The following PRTFDC1 variants were observed in gnomAD, a reference collection of about 807,000 sequenced individuals.
PRTFDC1 encodes the protein phosphoribosyl transferase domain containing 1.
In PRTFDC1, 38 loss-of-function variants were observed where a neutral mutation model predicts 34.6. That is an observed-to-expected ratio of 1.10 (90% CI 0.85 to 1.44). The LOEUF is 1.44. Ranked by LOEUF, PRTFDC1 falls within the 40% of genes most tolerant of loss-of-function variation. The pLI is 0.00. For missense variants in PRTFDC1, 270 were observed against 283.0 expected (o/e 0.95, Z 0.33); for synonymous variants, 93 against 98.1 (o/e 0.95, Z 0.31).
intron 3 of PRTFDC1, among the ~76,000 whole-genome samples, chr10:24,922,921 G>A (rs1848813872): frequency 6.6e-6 from 1 of 152,186 alleles, no homozygotes; most frequent in Non-Finnish European, 1.5e-5. Flanking sequence ...TGTACCTGGA[G>A]GAACCGTACA....
intron 3 of PRTFDC1, among the ~76,000 whole-genome samples, chr10:24,931,668 G>C (rs1039859108): frequency 7.2e-5 from 11 of 151,742 alleles, no homozygotes; most frequent in Non-Finnish European, 1.5e-4. Context: ...TAAAGAGTGA[G>C]AAAACTATTA....
chr10:24,865,069 T>C (rs1847752506), intron 4 of PRTFDC1, among the ~76,000 whole-genome samples: 1 of 152,140 alleles, frequency 6.6e-6, no homozygotes, highest in African/African-American at 2.4e-5. Flanking sequence ...TGAGCTGAGA[T>C]CGTGCCACTG....
chr10:24,864,757 T>C (rs538193064), intron 4 of PRTFDC1, among the ~76,000 whole-genome samples: 1 of 152,300 alleles, frequency 6.6e-6, no homozygotes, highest in Admixed American at 6.5e-5. Flanking sequence ...CTCTGAGATA[T>C]GGCTGTGCCT....
chr10:24,928,409 C>A (rs7902275), intron 3 of PRTFDC1, among the ~76,000 whole-genome samples: 1 of 151,768 alleles, frequency 6.6e-6, no homozygotes, highest in African/African-American at 2.4e-5. Flanking sequence ...CTGCTAAACA[C>A]AGATTTCCTG....
At chr10:24,922,949 C>T (rs1366478154) in intron 3 of PRTFDC1, among the ~76,000 whole-genome samples, 1 of 152,212 alleles carries the variant, frequency 6.6e-6, no homozygotes, top group East Asian at 1.9e-4. Context: ...CCAAATACTG[C>T]ACTTTTCCCA....
At chr10:24,924,995 T>C (rs1848848269) in intron 3 of PRTFDC1, among the ~76,000 whole-genome samples, 1 of 152,228 alleles carries the variant, frequency 6.6e-6, no homozygotes, top group Non-Finnish European at 1.5e-5. Context: ...TTATAAATCA[T>C]GCTACTATAA....
At chr10:24,919,169 T>C (rs1304826789) in intron 3 of PRTFDC1, among the ~76,000 whole-genome samples, 1 of 152,192 alleles carries the variant, frequency 6.6e-6, no homozygotes, top group Non-Finnish European at 1.5e-5. Context: ...ATCCTATACC[T>C]GGTACTAATA....
chr10:24,904,263 C>CAT (rs1848496853), intron 3 of PRTFDC1, among the ~76,000 whole-genome samples: 1 of 4,516 alleles, frequency 2.2e-4, no homozygotes, highest in Admixed American at 1.8e-3. Context: ...AAATGTAATA[C>CAT]ACACACACAC....
chr10:24,855,259 T>C, intron 7 of PRTFDC1, 59 bp downstream of exon 7: 1 of 1,514,068 alleles, frequency 6.6e-7, no homozygotes, highest in Admixed American at 1.8e-5. Context: ...AAACATAAAA[T>C]GAAACACCAT....
chr10:24,925,052 A>G (rs909584380), intron 3 of PRTFDC1, among the ~76,000 whole-genome samples: 1 of 152,258 alleles, frequency 6.6e-6, no homozygotes, highest in Non-Finnish European at 1.5e-5. Flanking sequence ...CACAATAGCA[A>G]AGACTTGGAA....
chr10:24,930,199 G>A (rs1848950293), intron 3 of PRTFDC1, among the ~76,000 whole-genome samples: 1 of 152,044 alleles, frequency 6.6e-6, no homozygotes, highest in South Asian at 2.1e-4. Flanking sequence ...GGTTCTTTCC[G>A]AATTTTTCTG....
intron 3 of PRTFDC1, among the ~76,000 whole-genome samples, chr10:24,880,106 G>T (rs1848040224): frequency 6.6e-6 from 1 of 152,052 alleles, no homozygotes; most frequent in African/African-American, 2.4e-5. Context: ...GTACATTCAG[G>T]GTTCCTACTT....
chr10:24,942,561 T>A, intron 1 of PRTFDC1, 125 bp from the exon 2 acceptor site: 1 of 758,290 alleles, frequency 1.3e-6, no homozygotes, highest in South Asian at 1.6e-5. Flanking sequence ...AACAAGGTTA[T>A]TTGTTTCCAC....
At chr10:24,852,845 C>T (rs1033708122) in intron 7 of PRTFDC1, among the ~76,000 whole-genome samples, 8 of 152,012 alleles carry the variant, frequency 5.3e-5, no homozygotes, top group African/African-American at 9.7e-5. Flanking sequence ...CTATGACCAA[C>T]GATGCTTTCA....
intron 4 of PRTFDC1, chr10:24,867,861 T>A (rs926339121): frequency 3.3e-5 from 5 of 150,708 alleles, no homozygotes; most frequent in Non-Finnish European, 7.4e-5. Context: ...TAGAGTGCAG[T>A]GGCATGATCT....
At chr10:24,887,308 C>G (rs781180300) in intron 3 of PRTFDC1, among the ~76,000 whole-genome samples, 2 of 152,186 alleles carry the variant, frequency 1.3e-5, no homozygotes, top group Non-Finnish European at 2.9e-5. Flanking sequence ...CATGTCCCCA[C>G]TCAAATCTCA....
intron 2 of PRTFDC1, among the ~76,000 whole-genome samples, chr10:24,938,149 C>A (rs1162446789): frequency 6.6e-6 from 1 of 151,420 alleles, no homozygotes; most frequent in East Asian, 2.0e-4. Context: ...TCCCTTGAAC[C>A]AAGGAGGCAG....
At chr10:24,931,141 G>A (rs982588538) in intron 3 of PRTFDC1, among the ~76,000 whole-genome samples, 1 of 151,948 alleles carries the variant, frequency 6.6e-6, no homozygotes, top group Non-Finnish European at 1.5e-5. Context: ...TAAACAACAC[G>A]AGACAACCAA....
chr10:24,892,604 C>A (rs1016162067), intron 3 of PRTFDC1, among the ~76,000 whole-genome samples: 3 of 152,004 alleles, frequency 2.0e-5, no homozygotes, highest in Admixed American at 2.0e-4. Context: ...GAAAATGACA[C>A]CGAGGCCAAG....
Sources: gnomAD v4.1 joint callset for allele counts (sites outside exome capture counted in the v4.1 genomes callset) on GRCh38, gnomAD v4.1.1 for gene constraint, MANE v1.5 for transcripts, NCBI Gene and HGNC (gene_info 2026-07-23, HGNC 2026-07-21) for gene names.